ADGRB3: variants seen among roughly 807,000 people sequenced by gnomAD.
ADGRB3 encodes adhesion G protein-coupled receptor B3, also known as brain-specific angiogenesis inhibitor 3.
In ADGRB3, 37 loss-of-function variants were observed where a neutral mutation model predicts 193.4. The ratio of observed to expected loss-of-function variants is 0.19; its 90% CI spans 0.15 to 0.25. The LOEUF is 0.25. Among genes scored for constraint, ADGRB3 ranks in the 10% least tolerant of loss-of-function variants. The pLI is 1.00. For missense variants in ADGRB3, 1,637 were observed against 1,852.9 expected (o/e 0.88, Z 2.14); for synonymous variants, 690 against 644.2 (o/e 1.07, Z -1.08).
intron 3 of ADGRB3, among the ~76,000 whole-genome samples, chr6:68,830,730 T>C (rs1407302308): frequency 6.6e-6 from 1 of 152,084 alleles, no homozygotes; most frequent in East Asian, 1.9e-4. Flanking sequence ...TTGATTATAT[T>C]CATTTTATCC....
At chr6:68,924,543 A>G (rs750056498) in intron 3 of ADGRB3, among the ~76,000 whole-genome samples, 2 of 152,082 alleles carry the variant, frequency 1.3e-5, no homozygotes, top group African/African-American at 2.4e-5. Context: ...TATAAGTAAC[A>G]TAATGTAACA....
At chr6:69,146,821 CT>C (rs756561473) in intron 17 of ADGRB3, among the ~76,000 whole-genome samples, 15,172 of 103,254 alleles carry the variant, frequency 0.15, 683 homozygotes, top group Middle Eastern at 0.19. Flanking sequence ...CTCATTACTT[CT>C]TTTTTTTTTT....
chr6:69,354,617 T>C (rs1175236118), intron 27 of ADGRB3, among the ~76,000 whole-genome samples: 4 of 152,202 alleles, frequency 2.6e-5, no homozygotes, highest in South Asian at 4.1e-4. Flanking sequence ...CATAGGATCA[T>C]GTGGATGTCT....
intron 3 of ADGRB3, among the ~76,000 whole-genome samples, chr6:68,673,945 G>A (rs1769022772): frequency 6.6e-6 from 1 of 151,964 alleles, no homozygotes; most frequent in Admixed American, 6.6e-5. Flanking sequence ...TGGAAGAGTT[G>A]CCAAAATTAT....
intron 3 of ADGRB3, among the ~76,000 whole-genome samples, chr6:68,797,894 A>G (rs1196926533): frequency 6.6e-6 from 1 of 152,202 alleles, no homozygotes; most frequent in African/African-American, 2.4e-5. Flanking sequence ...TTGCTTTATT[A>G]GTAAATCATG....
Position 69,361,518 on chromosome 6 carries a change from C to T in ADGRB3, c.4239+6C>T. On this transcript the variant is annotated splice_donor_region_variant and intron_variant, in intron 29 of 31. Coordinates refer to ENST00000370598, the MANE Select transcript of ADGRB3 (RefSeq NM_001704.3). ...TATCAATGAGTTCTTTAGAGGTGAG[C>T]CACAGAAGATTAAATTTTTCCTTGA... 1 of 1,600,840 alleles carries T rather than the reference C, an allele frequency of 6.2e-7. No individual in the cohort carries two copies. The highest frequency in any genetic ancestry group is 8.5e-7 in the Non-Finnish European group (1 of 1,172,798).
At chr6:69,278,096 G>A (rs530989189) in intron 20 of ADGRB3, among the ~76,000 whole-genome samples, 3 of 152,224 alleles carry the variant, frequency 2.0e-5, no homozygotes, top group East Asian at 1.9e-4. Flanking sequence ...ATGCCTTTGA[G>A]GGAAAATATT....
chr6:68,886,603 G>T (rs533981868), intron 3 of ADGRB3, among the ~76,000 whole-genome samples: 31 of 152,112 alleles, frequency 2.0e-4, no homozygotes, highest in African/African-American at 7.5e-4. Flanking sequence ...TTTAGGCAAT[G>T]TTTCAAAGTG....
intron 31 of ADGRB3, among the ~76,000 whole-genome samples, chr6:69,385,696 T>C (rs145360024): frequency 6.6e-6 from 1 of 152,242 alleles, no homozygotes; most frequent in East Asian, 1.9e-4. Flanking sequence ...AGACTTACAC[T>C]AACTTCGAAG....
intron 3 of ADGRB3, among the ~76,000 whole-genome samples, chr6:68,800,871 A>G (rs948126676): frequency 1.3e-5 from 2 of 152,158 alleles, no homozygotes; most frequent in African/African-American, 4.8e-5. Flanking sequence ...AGAAGGAGAG[A>G]AGTCTATCTA....
chr6:69,026,411 A>G (rs772250607), intron 13 of ADGRB3, among the ~76,000 whole-genome samples: 1 of 152,220 alleles, frequency 6.6e-6, no homozygotes, highest in Admixed American at 6.5e-5. Context: ...CAGAAAGGCC[A>G]TGATTCACCC....
rs575542658 is a variant in ADGRB3, at chr6:69,301,629, G to A, written c.2815-23243G>A. Among the ~76,000 whole-genome samples the A allele has an allele frequency of 6.6e-4, 100 of 151,984 alleles. 5 individuals carry two copies. The South Asian group carries it at 0.019, about 29-fold the overall frequency. On this transcript the variant is annotated intron_variant, in intron 20 of 31. Transcript: ENST00000370598. ...GCTAGGAGAATAAGAGAAAAGTTAT[G>A]ACATTACAAGAAAAATTGAATTTCT...
chr6:69,379,491 A>T (rs988422194), intron 30 of ADGRB3, among the ~76,000 whole-genome samples: 8 of 152,066 alleles, frequency 5.3e-5, no homozygotes, highest in Admixed American at 5.3e-4. Context: ...GTAAATAAAT[A>T]AGAGGAAACC....
chr6:68,758,938 C>G (rs1016950728), intron 3 of ADGRB3, among the ~76,000 whole-genome samples: 1 of 152,100 alleles, frequency 6.6e-6, no homozygotes, highest in African/African-American at 2.4e-5. Flanking sequence ...CTGAGATTGG[C>G]AGTTTTATAC....
At chr6:69,017,765 T>G (rs1444878767) in intron 12 of ADGRB3, among the ~76,000 whole-genome samples, 8 of 151,936 alleles carry the variant, frequency 5.3e-5, no homozygotes, top group Non-Finnish European at 1.2e-4. Flanking sequence ...TTAACCTTCT[T>G]GAGGTCTTGC....
chr6:68,749,943 T>C (rs1477771035), intron 3 of ADGRB3, among the ~76,000 whole-genome samples: 1 of 152,192 alleles, frequency 6.6e-6, no homozygotes, highest in African/African-American at 2.4e-5. Context: ...TTTAATGTGG[T>C]CTTATTCATG....
chr6:69,090,270 G>GT (rs1175991175), intron 17 of ADGRB3, among the ~76,000 whole-genome samples: 1 of 152,146 alleles, frequency 6.6e-6, no homozygotes, highest in Non-Finnish European at 1.5e-5. Flanking sequence ...GCCTTCTTTA[G>GT]TATCTCTGGG....
At chr6:69,372,951 G>A (rs1769737161) in intron 30 of ADGRB3, among the ~76,000 whole-genome samples, 1 of 151,676 alleles carries the variant, frequency 6.6e-6, no homozygotes, top group Non-Finnish European at 1.5e-5. Flanking sequence ...TTGATTCAAT[G>A]TGCTCCTGTG....
intron 17 of ADGRB3, among the ~76,000 whole-genome samples, chr6:69,148,503 T>C (rs184181237): frequency 6.6e-6 from 1 of 152,258 alleles, no homozygotes; most frequent in Admixed American, 6.5e-5. Context: ...TCTTGAGAAA[T>C]TGTAGTTATT....
Sources: gnomAD v4.1 joint callset for allele counts (sites outside exome capture counted in the v4.1 genomes callset) on GRCh38, gnomAD v4.1.1 for gene constraint, MANE v1.5 for transcripts, NCBI Gene and HGNC (gene_info 2026-07-23, HGNC 2026-07-21) for gene names.